Variants in SVOPL observed in about 807,000 individuals in gnomAD.
The protein encoded by SVOPL is SVOP like.
Under a neutral mutation model 61.0 loss-of-function variants are expected in SVOPL, and 60 were observed. That is an observed-to-expected ratio of 0.98 (90% CI 0.80 to 1.22). The LOEUF (loss-of-function observed/expected upper bound fraction) is 1.22, where lower values mean the gene tolerates loss of function less well. Ranked by LOEUF, SVOPL falls within the 50% of genes most tolerant of loss-of-function variation. SVOPL has a pLI of 0.00. For synonymous variants in SVOPL, 279 were observed against 250.0 expected (o/e 1.12, Z -1.09); for missense variants, 662 against 643.9 (o/e 1.03, Z -0.30).
Position 138,628,299 on chromosome 7 carries a change from A to C in SVOPL, c.928T>G (p.Leu310Val), listed in dbSNP as rs773936321. The C allele has an allele frequency of 6.2e-7, 1 of 1,614,212 alleles. No individual in the cohort carries two copies. Among genetic ancestry groups the C allele is most frequent in the South Asian group, 1.1e-5 (1 of 91,086 alleles). The change falls in exon 11 of 16, where the codon TTG (leucine) becomes GTG (valine). Residue 310 changes from leucine (L) to valine (V), a missense_variant. Physicochemically the swap from Leu to Val is conservative, Grantham distance 32 (BLOSUM62 1). Transcript: ENST00000674285. ...GAGTCTGACTTTGAACCACAGACCA[A>C]GTCCCGCTCCAGCAGCTCAGCACTG... ...LASAELLERD[L>V]VCGSKSDSAV...
intron 3 of SVOPL, among the ~76,000 whole-genome samples, chr7:138,676,905 T>A (rs1000050144): frequency 2.0e-4 from 26 of 131,356 alleles, no homozygotes; most frequent in African/African-American, 7.4e-4. Context: ...GTTCCTTTTT[T>A]TTTTTTTTTT....
rs1157885051 is a variant in SVOPL at position 138,612,412 on chromosome 7, A to T, written c.1353+8634T>A. Among the ~76,000 whole-genome samples, 53 of 88,762 alleles carry T rather than the reference A, an allele frequency of 6.0e-4. 10 individuals are homozygous for T. Among genetic ancestry groups the T allele is most frequent in the Admixed American group, 1.9e-3 (13 of 6,926 alleles). 58.2% of individuals were successfully genotyped at this position (88,762 alleles called of 152,430 possible). On this transcript the variant is annotated intron_variant, in intron 14 of 15. Transcript: ENST00000674285. ...ATCAATAAAAAAATAAATTAAAAAA[A>T]AAAAAAAAAAATAAAATAAAAAATA...
intron 14 of SVOPL, among the ~76,000 whole-genome samples, chr7:138,613,587 T>C (rs1471855378): frequency 6.6e-6 from 1 of 151,988 alleles, no homozygotes; most frequent in East Asian, 1.9e-4. Flanking sequence ...CAACTTCTCA[T>C]ATTTCAGATC....
chr7:138,655,669 G>T (rs1048691203), intron 7 of SVOPL, among the ~76,000 whole-genome samples: 1 of 148,344 alleles, frequency 6.7e-6, no homozygotes, highest in Admixed American at 6.8e-5. Context: ...ATATATTTAC[G>T]TATAATTTAC....
chr7:138,622,274 C>CTATCTATCTATCTATG (rs1563096832), intron 13 of SVOPL, among the ~76,000 whole-genome samples: 21 of 103,706 alleles, frequency 2.0e-4, no homozygotes, highest in East Asian at 4.9e-4. Context: ...ATCTATGTAT[C>CTATCTATCTATCTATG]TATCTATCTA....
At chr7:138,638,653 GAA>G (rs34206076) in intron 9 of SVOPL, among the ~76,000 whole-genome samples, 3 of 150,898 alleles carry the variant, frequency 2.0e-5, no homozygotes, top group South Asian at 2.1e-4. Context: ...TAAGTTCAAA[GAA>G]AAAAAAATAG....
At chr7:138,625,835 G>A (rs1305166676) in intron 13 of SVOPL, 134 bp downstream of exon 13, 16 of 795,946 alleles carry the variant, frequency 2.0e-5, no homozygotes, top group Non-Finnish European at 2.7e-5. Flanking sequence ...TAAACTTCTG[G>A]TGTCTTTTTA....
intron 14 of SVOPL, among the ~76,000 whole-genome samples, chr7:138,604,098 G>A (rs557287497): frequency 2.2e-4 from 34 of 151,418 alleles, no homozygotes; most frequent in African/African-American, 8.2e-4. Context: ...CAAGTAGCTG[G>A]GACTACAGAC....
Position 138,628,141 on chromosome 7 carries a change from C to A in SVOPL, c.1069+17G>T, listed in dbSNP as rs182872157. The A allele has an allele frequency of 6.2e-7, 1 of 1,613,928 alleles. No homozygotes were observed. The highest frequency in any genetic ancestry group is 8.5e-7 in the Non-Finnish European group (1 of 1,179,984). ...CCACCCAAGACAGAGAGACCCAACA[C>A]GCAGAGGGACACTTACAAGCAATTT... is the stretch of plus-strand genomic sequence containing the variant. On this transcript the variant is annotated intron_variant, in intron 11 of 15. Coordinates refer to ENST00000674285, the MANE Select transcript of SVOPL (RefSeq NM_001139456.2).
intron 13 of SVOPL, among the ~76,000 whole-genome samples, chr7:138,623,365 C>T (rs1348162544): frequency 1.3e-5 from 2 of 152,084 alleles, no homozygotes; most frequent in Non-Finnish European, 2.9e-5. Flanking sequence ...CTTTGGGAGG[C>T]CGAGGCGGGC....
Position 138,677,201 on chromosome 7 carries a change from G to C in SVOPL, c.174+1233C>G, listed in dbSNP as rs184739824. On this transcript the variant is annotated intron_variant, in intron 3 of 15. Transcript: ENST00000674285. ...TTACAGGCGTGAGCCACTGCGCCCG[G>C]CCTCCTGCTCTTTTTCTTATCCCTA... 3.1e-3 allele frequency among the ~76,000 whole-genome samples: 477 copies of C among 152,202 alleles called. 3 individuals are homozygous for C. Among genetic ancestry groups the C allele is most frequent in the African/African-American group, 0.011 (440 of 41,540 alleles).
chr7:138,638,382 T>C (rs1398548823), intron 9 of SVOPL, among the ~76,000 whole-genome samples: 3 of 150,986 alleles, frequency 2.0e-5, no homozygotes, highest in Middle Eastern at 3.4e-3. Context: ...TGTTAATAAA[T>C]CTAAATAAAT....
chr7:138,622,236 ATCT>A (rs1204230934), intron 13 of SVOPL, among the ~76,000 whole-genome samples: 4 of 92,606 alleles, frequency 4.3e-5, no homozygotes, highest in African/African-American at 1.8e-4. Flanking sequence ...CTATCTATGT[ATCT>A]ATCTATCTAT....
chr7:138,680,449 G>A (rs1272864619), intron 1 of SVOPL, among the ~76,000 whole-genome samples: 1 of 151,622 alleles, frequency 6.6e-6, no homozygotes, highest in African/African-American at 2.4e-5. Flanking sequence ...ATGCCTGGCT[G>A]CTTCTTTTTA....
intron 14 of SVOPL, among the ~76,000 whole-genome samples, chr7:138,611,827 G>A (rs1339077626): frequency 4.9e-4 from 23 of 46,540 alleles, no homozygotes; most frequent in East Asian, 3.8e-3. Context: ...CCTCCCAGCC[G>A]CCTGCCTTGG....
intron 7 of SVOPL, 118 bp from the exon 8 acceptor site, chr7:138,649,255 A>T: frequency 7.6e-7 from 1 of 1,323,694 alleles, no homozygotes; most frequent in Non-Finnish European, 1.0e-6. Flanking sequence ...TGTGCTTCAC[A>T]TATCTTCTTT....
At chr7:138,656,606 T>C in intron 6 of SVOPL, 95 bp from the exon 7 acceptor site, 2 of 1,304,078 alleles carry the variant, frequency 1.5e-6, no homozygotes, top group South Asian at 1.3e-5. Context: ...GGATAAAGAA[T>C]TCAAAAGCAT....
chr7:138,658,235 C>G (rs1414728712), intron 6 of SVOPL, among the ~76,000 whole-genome samples: 1 of 152,108 alleles, frequency 6.6e-6, no homozygotes, highest in Admixed American at 6.6e-5. Context: ...TCATTTTACC[C>G]AGCCCCTATT....
chr7:138,658,275 T>A (rs1377816910), intron 6 of SVOPL, among the ~76,000 whole-genome samples: 1 of 152,098 alleles, frequency 6.6e-6, no homozygotes, highest in African/African-American at 2.4e-5. Context: ...TTCGATCCCA[T>A]CTGACATATT....
Sources: allele counts gnomAD v4.1 joint callset (sites outside exome capture counted in the v4.1 genomes callset), GRCh38; gene constraint gnomAD v4.1.1; transcripts MANE v1.5; gene names NCBI Gene and HGNC (gene_info 2026-07-23, HGNC 2026-07-21).